The following TDRD12 variants were observed in gnomAD, a reference collection of about 807,000 sequenced individuals.
TDRD12 encodes the protein putative ATP-dependent RNA helicase TDRD12.
A neutral mutation model predicts 133.5 loss-of-function variants in TDRD12; 158 were observed. That is an observed-to-expected ratio of 1.18 (90% CI 1.04 to 1.35). The LOEUF is 1.35. TDRD12 is among the 40% of genes most tolerant of loss of function. The probability of loss-of-function intolerance (pLI) is 0.00; values close to 1 mark genes in which losing one functional copy is unlikely to be tolerated. For missense variants in TDRD12, 1,443 were observed against 1,321.3 expected (o/e 1.09, Z -1.43); for synonymous variants, 460 against 477.9 (o/e 0.96, Z 0.49).
chr19:32,739,916 G>A (rs1393757457), intron 3 of TDRD12, among the ~76,000 whole-genome samples: 1 of 137,512 alleles, frequency 7.3e-6, no homozygotes, highest in South Asian at 2.4e-4. Flanking sequence ...CATCTCCTGG[G>A]TACTCTCTGC....
chr19:32,737,091 G>T (rs1490449055), intron 2 of TDRD12, among the ~76,000 whole-genome samples: 1 of 152,088 alleles, frequency 6.6e-6, no homozygotes, highest in African/African-American at 2.4e-5. Flanking sequence ...GTATTTTATT[G>T]AATACTGCAC....
At chr19:32,801,766 G>T in exon 19 of TDRD12, 1 of 1,368,486 alleles carries the variant, frequency 7.3e-7, no homozygotes, top group South Asian at 1.3e-5. Flanking sequence ...GTAGTAGAAA[G>T]CAGTTCAATA....
intron 4 of TDRD12, among the ~76,000 whole-genome samples, chr19:32,745,859 TGAGA>T (rs752924562): frequency 3.0e-4 from 38 of 125,312 alleles, no homozygotes; most frequent in African/African-American, 1.1e-3. Flanking sequence ...TCTGTGTGTG[TGAGA>T]GAGAGAGTCT....
At position 32,773,158 on chromosome 19, in the gene TDRD12, A is replaced by C. The variant is rs11084670; in HGVS notation, c.964-298A>C. 5.7e-3 allele frequency among the ~76,000 whole-genome samples: 872 copies of C among 152,354 alleles called. 9 individuals are homozygous for C. Among genetic ancestry groups the C allele is most frequent in the African/African-American group, 0.019 (802 of 41,582 alleles). On this transcript the variant is annotated intron_variant, in intron 9 of 27. Transcript: ENST00000444215. ...CCAGGGCATTGTCCTAGTGAAGTGCAAGTCTAATCTGCTCTCCGTCCCTTT... is the reference window on the plus strand; with the variant it reads ...CCAGGGCATTGTCCTAGTGAAGTGCCAGTCTAATCTGCTCTCCGTCCCTTT...
At chr19:32,733,369 C>G (rs1969119891) in intron 2 of TDRD12, among the ~76,000 whole-genome samples, 1 of 151,692 alleles carries the variant, frequency 6.6e-6, no homozygotes, top group Non-Finnish European at 1.5e-5. Context: ...ACTAGAGAGG[C>G]TGAGGCAAGA....
intron 1 of TDRD12, among the ~76,000 whole-genome samples, chr19:32,725,074 A>T (rs1370987832): frequency 6.6e-6 from 1 of 151,668 alleles, no homozygotes; most frequent in Non-Finnish European, 1.5e-5. Context: ...TTTTCTTGTA[A>T]ATTTGTTTCA....
chr19:32,769,990 A>G (rs561277274), intron 8 of TDRD12, among the ~76,000 whole-genome samples: 1 of 124,280 alleles, frequency 8.0e-6, no homozygotes, highest in South Asian at 2.6e-4. Context: ...TTTTGTGGGT[A>G]TGTGTTCTTT....
At chr19:32,763,862 T>C (rs4422091) in intron 8 of TDRD12, among the ~76,000 whole-genome samples, 90,624 of 151,996 alleles carry the variant, frequency 0.6, 28,095 homozygotes, top group East Asian at 0.82. Flanking sequence ...TCTCTGTCCA[T>C]CTGTCAGTCT....
intron 19 of TDRD12, 122 bp from the exon 20 acceptor site, chr19:32,802,534 T>C: frequency 8.5e-7 from 1 of 1,171,162 alleles, no homozygotes; most frequent in Non-Finnish European, 1.2e-6. Flanking sequence ...AAGAAGTTTC[T>C]TTGCATCCAA....
chr19:32,775,351 C>G (rs1385081143), intron 10 of TDRD12, among the ~76,000 whole-genome samples: 1 of 152,132 alleles, frequency 6.6e-6, no homozygotes, highest in East Asian at 1.9e-4. Context: ...TTTTTTGCGA[C>G]AGGATCTTGC....
chr19:32,756,962 A>T (rs1970012407), intron 7 of TDRD12, 76 bp from the exon 8 acceptor site: 1 of 1,247,980 alleles, frequency 8.0e-7, no homozygotes, highest in Non-Finnish European at 1.1e-6. Context: ...GAGCAGAAGT[A>T]ATGTACTAAC....
chr19:32,723,226 C>T (rs1168399458), intron 1 of TDRD12, among the ~76,000 whole-genome samples: 2 of 151,746 alleles, frequency 1.3e-5, no homozygotes, highest in Non-Finnish European at 2.9e-5. Flanking sequence ...ACCACACTGT[C>T]TTATTACTGT....
intron 8 of TDRD12, among the ~76,000 whole-genome samples, chr19:32,767,394 G>T (rs574347946): frequency 6.6e-6 from 1 of 152,226 alleles, no homozygotes; most frequent in Non-Finnish European, 1.5e-5. Context: ...CTCCCAAAGT[G>T]CTGGGATTAC....
chr19:32,817,644 G>A (rs1360602046), intron 26 of TDRD12, among the ~76,000 whole-genome samples: 3 of 151,828 alleles, frequency 2.0e-5, no homozygotes, highest in African/African-American at 7.3e-5. Context: ...GCTGGGCCCT[G>A]TGGGAATCCT....
intron 21 of TDRD12, among the ~76,000 whole-genome samples, chr19:32,805,340 G>T (rs1292172553): frequency 6.6e-6 from 1 of 150,874 alleles, no homozygotes; most frequent in Admixed American, 6.6e-5. Context: ...ACGTGATTGT[G>T]CCACTGCACT....
exon 21 of TDRD12, chr19:32,803,063 G>A (rs189536907): frequency 3.6e-5 from 56 of 1,536,012 alleles, no homozygotes; most frequent in Admixed American, 2.0e-4. Context: ...CGAGTTCACC[G>A]CAGGAGTTCT....
intron 23 of TDRD12, among the ~76,000 whole-genome samples, chr19:32,810,624 T>TA (rs1185391416): frequency 6.6e-6 from 1 of 152,272 alleles, no homozygotes; most frequent in African/African-American, 2.4e-5. Context: ...GTCAGCTCGA[T>TA]ACCTGGCATA....
chr19:32,797,731 G>T lies in TDRD12; in HGVS notation c.1474-4G>T. The T allele has an allele frequency of 1.5e-6, 1 of 664,248 alleles. No homozygotes were observed. Among genetic ancestry groups the T allele is most frequent in the Non-Finnish European group, 2.7e-6 (1 of 370,034 alleles). The allele number at this position is 664,248 out of a possible 1,614,324, so 41.1% of individuals were successfully genotyped here. A position where few individuals can be genotyped will look rare whatever the true frequency, so the allele number is the denominator to read the frequency against. ...GAGTCATTTGAATTTGTCTGTCTTCGCAGCCTCTCGCAGTCATCGTGTGCC... is the reference window on the plus strand; with the variant it reads ...GAGTCATTTGAATTTGTCTGTCTTCTCAGCCTCTCGCAGTCATCGTGTGCC... On this transcript the variant is annotated splice_region_variant and splice_polypyrimidine_tract_variant and intron_variant, in intron 14 of 27. Transcript: ENST00000444215.
intron 1 of TDRD12, among the ~76,000 whole-genome samples, chr19:32,726,017 A>G (rs976228848): frequency 4.6e-5 from 7 of 152,254 alleles, no homozygotes; most frequent in South Asian, 4.1e-4. Flanking sequence ...TGTAAAAAAC[A>G]TGTAACGAAG....
Sources: allele counts gnomAD v4.1 joint callset (sites outside exome capture counted in the v4.1 genomes callset), GRCh38; gene constraint gnomAD v4.1.1; transcripts MANE v1.5; gene names NCBI Gene and HGNC (gene_info 2026-07-23, HGNC 2026-07-21).